Variants in DNAJC16 observed in about 807,000 individuals in gnomAD.
The protein encoded by DNAJC16 is dnaJ homolog subfamily C member 16.
In DNAJC16, 76 loss-of-function variants were observed where a neutral mutation model predicts 92.7. The ratio of observed to expected loss-of-function variants is 0.82; its 90% CI spans 0.68 to 0.99. DNAJC16 has a LOEUF of 0.99. Among genes scored for constraint, DNAJC16 ranks in the 50% least tolerant of loss-of-function variants. DNAJC16 has a pLI of 0.00. For synonymous variants in DNAJC16, 328 were observed against 358.7 expected (o/e 0.91, Z 0.97); for missense variants, 869 against 942.4 (o/e 0.92, Z 1.02).
chr1:15,549,610 T>A (rs533270725), intron 7 of DNAJC16, among the ~76,000 whole-genome samples: 2 of 151,578 alleles, frequency 1.3e-5, no homozygotes, highest in East Asian at 3.9e-4. Flanking sequence ...GTCAGGAGAT[T>A]GAGACCATCC....
chr1:15,532,247 A>G (rs1223412069), intron 2 of DNAJC16, among the ~76,000 whole-genome samples: 1 of 152,132 alleles, frequency 6.6e-6, no homozygotes, highest in Non-Finnish European at 1.5e-5. Context: ...TTATTCCTTT[A>G]AGAGGTAACT....
In DNAJC16 at chr1:15,536,460, T is replaced by C. The variant is rs773294338; in HGVS notation, c.235-15T>C. 1.9e-6 allele frequency: 3 copies of C among 1,548,508 alleles called. No homozygotes were observed. Among genetic ancestry groups the C allele is most frequent in the Non-Finnish European group, 2.6e-6 (3 of 1,151,232 alleles). On this transcript the variant is annotated splice_polypyrimidine_tract_variant and intron_variant, in intron 3 of 14. Transcript: ENST00000375847. ...AACCTTTTGTTGTTGTTTAGATTTTTTTCTTCCTTTATAGATTCTTTCAAA... is the reference window on the plus strand; with the variant it reads ...AACCTTTTGTTGTTGTTTAGATTTTCTTCTTCCTTTATAGATTCTTTCAAA...
chr1:15,564,081 G>A lies in DNAJC16; in HGVS notation c.1491G>A (p.Val497=). Residue 497 remains valine, a synonymous_variant, in exon 10 of 15, where the codon GTG becomes GTA. Coordinates refer to ENST00000375847, the MANE Select transcript of DNAJC16 (RefSeq NM_015291.4). ...CAGCTCTTCTGTCCTCTGAAGCAGTGCTTCCTGACCTGACCGATGAACTTG... is the reference window on the plus strand; with the variant it reads ...CAGCTCTTCTGTCCTCTGAAGCAGTACTTCCTGACCTGACCGATGAACTTG... ...KDPALLSSEA[V]LPDLTDELAP... The A allele has an allele frequency of 1.9e-6, 3 of 1,614,238 alleles. No homozygotes were observed. The highest frequency in any genetic ancestry group is 2.5e-6 in the Non-Finnish European group (3 of 1,180,034).
chr1:15,554,705 C>T (rs568365668), intron 7 of DNAJC16, among the ~76,000 whole-genome samples: 1 of 152,244 alleles, frequency 6.6e-6, no homozygotes, highest in East Asian at 1.9e-4. Flanking sequence ...TCAAAACAAA[C>T]CAACCCAAAA....
intron 4 of DNAJC16, among the ~76,000 whole-genome samples, chr1:15,543,940 G>C (rs995953811): frequency 7.9e-5 from 12 of 152,186 alleles, no homozygotes; most frequent in Non-Finnish European, 1.6e-4. Flanking sequence ...AGGAGATTAG[G>C]GGTTCGTTTT....
At chr1:15,540,230 A>T (rs1012426007) in intron 4 of DNAJC16, among the ~76,000 whole-genome samples, 4 of 151,832 alleles carry the variant, frequency 2.6e-5, no homozygotes, top group African/African-American at 9.7e-5. Flanking sequence ...GGAGGCTGAG[A>T]CAGGAGAATT....
rs544019128 is a variant in DNAJC16, at chr1:15,543,588, T to C, written c.575-811T>C. ...TTGGGCAGAGGAGTGATGTGATCCA[T>C]TTTTATGTTTTAGGAGGAGCAGCCT... On this transcript the variant is annotated intron_variant, in intron 4 of 14. Coordinates refer to ENST00000375847, the MANE Select transcript of DNAJC16 (RefSeq NM_015291.4). Among the ~76,000 whole-genome samples, 16 of 152,254 alleles carry C rather than the reference T, an allele frequency of 1.1e-4. 1 individual carries two copies. In the South Asian group the frequency reaches 2.7e-3, roughly 26 times the overall value.
chr1:15,561,423 G>A (rs910660584), intron 8 of DNAJC16, among the ~76,000 whole-genome samples: 1 of 152,150 alleles, frequency 6.6e-6, no homozygotes, highest in Non-Finnish European at 1.5e-5. Flanking sequence ...AGTGGCTCAC[G>A]CCTATAATCC....
intron 2 of DNAJC16, among the ~76,000 whole-genome samples, chr1:15,530,346 C>A (rs78252963): frequency 6.7e-5 from 10 of 148,412 alleles, no homozygotes; most frequent in African/African-American, 1.2e-4. Context: ...AGACCCGTCT[C>A]AAAAAAAAAA....
chr1:15,548,973 A>T (rs1235457111), intron 7 of DNAJC16, among the ~76,000 whole-genome samples: 1 of 152,364 alleles, frequency 6.6e-6, no homozygotes, highest in Admixed American at 6.5e-5. Flanking sequence ...TGAGAAGACT[A>T]ATAACCATTT....
chr1:15,567,149 C>T lies in DNAJC16; in HGVS notation c.1829C>T (p.Thr610Ile). Residue 610 changes from threonine to isoleucine, a missense_variant, in exon 14 of 15, where the codon ACA (threonine) becomes ATA (isoleucine). By Grantham distance (89) the Thr-to-Ile change is moderately conservative. Coordinates refer to ENST00000375847, the MANE Select transcript of DNAJC16 (RefSeq NM_015291.4). ...FVEVTELTDV[T>I]YTSNLVRLRP... ...GAGGTAACTGAACTCACAGATGTAA[C>T]ATACACCAGTAACTTGGTACGTCTG... 11 of 1,614,030 alleles carry T rather than the reference C, an allele frequency of 6.8e-6. No homozygotes were observed. The highest frequency in any genetic ancestry group is 9.3e-6 in the Non-Finnish European group (11 of 1,179,880).
intron 13 of DNAJC16, among the ~76,000 whole-genome samples, chr1:15,566,823 G>A (rs1557590052): frequency 6.6e-6 from 1 of 152,172 alleles, no homozygotes; most frequent in Non-Finnish European, 1.5e-5. Context: ...GGTCGAGGCT[G>A]CAGTGAGCCA....
rs528104723 is a variant in DNAJC16 at position 15,536,397 on chromosome 1, A to G, written c.235-78A>G. The G allele has an allele frequency of 2.1e-4, 252 of 1,202,926 alleles. No homozygotes were observed. In the African/African-American group the frequency reaches 3.4e-3, roughly 16 times the overall value. The allele number at this position is 1,202,926 out of a possible 1,614,324, so 74.5% of individuals were successfully genotyped here. On this transcript the variant is annotated intron_variant, in intron 3 of 14. Coordinates refer to ENST00000375847, the MANE Select transcript of DNAJC16 (RefSeq NM_015291.4). ...GACTGGCTGCATTTATTTTCTTCCTATGTCTTTCAAGCTGCTTACAAAAAA... is the reference window on the plus strand; with the variant it reads ...GACTGGCTGCATTTATTTTCTTCCTGTGTCTTTCAAGCTGCTTACAAAAAA...
chr1:15,539,108 A>C (rs1050642543), intron 4 of DNAJC16, among the ~76,000 whole-genome samples: 3 of 152,200 alleles, frequency 2.0e-5, no homozygotes, highest in Non-Finnish European at 2.9e-5. Flanking sequence ...GATGTTTACT[A>C]ATGCACGGAA....
At chr1:15,555,481 G>A (rs190939838) in intron 7 of DNAJC16, among the ~76,000 whole-genome samples, 81 of 150,722 alleles carry the variant, frequency 5.4e-4, no homozygotes, top group South Asian at 1.3e-3. Context: ...TCAGGAGTTC[G>A]AGACCAGCCT....
chr1:15,566,547 G>A, intron 13 of DNAJC16: 1 of 225,432 alleles, frequency 4.4e-6, no homozygotes, highest in Non-Finnish European at 8.8e-6. Context: ...CTGAATGATA[G>A]TTGTCTTCTT....
intron 4 of DNAJC16, among the ~76,000 whole-genome samples, chr1:15,539,498 G>T (rs1237564350): frequency 6.6e-6 from 1 of 151,620 alleles, no homozygotes; most frequent in Non-Finnish European, 1.5e-5. Flanking sequence ...CGCCCACCTC[G>T]GTCTCCCAAA....
intron 2 of DNAJC16, among the ~76,000 whole-genome samples, chr1:15,531,423 C>T (rs16851727): frequency 0.27 from 41,626 of 152,130 alleles, 6,529 homozygotes; most frequent in African/African-American, 0.42. Flanking sequence ...CTTCCAGGGA[C>T]TCTTTATACC....
chr1:15,547,950 G>T (rs543361512), intron 6 of DNAJC16, among the ~76,000 whole-genome samples: 2 of 152,196 alleles, frequency 1.3e-5, no homozygotes, highest in African/African-American at 4.8e-5. Context: ...TGTTATCAGT[G>T]GCATGGTCAC....
Sources: gnomAD v4.1 joint callset for allele counts (sites outside exome capture counted in the v4.1 genomes callset) on GRCh38, gnomAD v4.1.1 for gene constraint, MANE v1.5 for transcripts, NCBI Gene and HGNC (gene_info 2026-07-23, HGNC 2026-07-21) for gene names.